The following FAAH2 variants were observed in gnomAD, a reference collection of about 807,000 sequenced individuals.
The protein encoded by FAAH2 is fatty-acid amide hydrolase 2.
In FAAH2, 60 loss-of-function variants were observed where a neutral mutation model predicts 36.9. The observed-to-expected ratio is 1.63, with a 90% confidence interval of 1.32 to 2.02. FAAH2 has a LOEUF of 2.02. FAAH2 is among the 30% of genes most tolerant of loss of function. The pLI is 0.00. For missense variants in FAAH2, 689 were observed against 397.5 expected (o/e 1.73, Z -6.23); for synonymous variants, 214 against 143.8 (o/e 1.49, Z -3.49).
intron 4 of FAAH2, among the ~76,000 whole-genome samples, chrX:57,339,321 G>T (rs950411401): frequency 1.8e-4 from 20 of 112,007 alleles, no homozygotes; most frequent in African/African-American, 6.2e-4. Flanking sequence ...TTAGAAGAAA[G>T]TCTAGGCAGT....
intron 7 of FAAH2, among the ~76,000 whole-genome samples, chrX:57,399,050 C>T (rs754313082): frequency 4.1e-4 from 46 of 111,430 alleles, no homozygotes; most frequent in African/African-American, 1.3e-3. Flanking sequence ...ACTAGCAGGC[C>T]GGTCCAGGAA....
intron 7 of FAAH2, among the ~76,000 whole-genome samples, chrX:57,414,350 G>T (rs1318121026): frequency 8.9e-6 from 1 of 111,879 alleles, no homozygotes; most frequent in Non-Finnish European, 1.9e-5. Flanking sequence ...TTGGCTGTGG[G>T]TTTGTCATAA....
chrX:57,301,772 C>A (rs1191384263), intron 2 of FAAH2, among the ~76,000 whole-genome samples: 2 of 111,034 alleles, frequency 1.8e-5, no homozygotes, highest in Non-Finnish European at 3.8e-5. Flanking sequence ...GTTGTCTCAC[C>A]CACCAGACTC....
chrX:57,261,816 A>T, the FAAH2 span, among the ~76,000 whole-genome samples: 1 of 110,818 alleles, frequency 9.0e-6, no homozygotes, highest in Non-Finnish European at 1.9e-5. Context: ...CAGGAATATT[A>T]GTTATGAGAT....
chrX:57,230,917 G>A, the FAAH2 span, among the ~76,000 whole-genome samples: 311 of 110,690 alleles, frequency 2.8e-3, 7 homozygotes, highest in South Asian at 0.11. Context: ...CTTGCTCATA[G>A]TTTCTTGTTT....
the FAAH2 span, among the ~76,000 whole-genome samples, chrX:57,211,035 T>G: frequency 1.8e-5 from 2 of 112,298 alleles, no homozygotes; most frequent in East Asian, 5.6e-4. Flanking sequence ...TGTAAATTTA[T>G]AAAAACATAT....
At chrX:57,332,142 G>A (rs1316053942) in intron 4 of FAAH2, among the ~76,000 whole-genome samples, 1 of 112,521 alleles carries the variant, frequency 8.9e-6, no homozygotes, top group African/African-American at 3.2e-5. Flanking sequence ...AAGCCTGAAT[G>A]GATGCATATG....
At chrX:57,297,701 G>A in intron 2 of FAAH2, among the ~76,000 whole-genome samples, 1 of 30,135 alleles carries the variant, frequency 3.3e-5, no homozygotes, top group African/African-American at 1.1e-4. Flanking sequence ...GCTGTATTCA[G>A]CAAACCCATC....
the FAAH2 span, among the ~76,000 whole-genome samples, chrX:57,172,746 C>A: frequency 8.9e-6 from 1 of 111,773 alleles, no homozygotes; most frequent in Non-Finnish European, 1.9e-5. Context: ...CCTCCAACTG[C>A]CTGGGCCAAA....
the FAAH2 span, among the ~76,000 whole-genome samples, chrX:57,144,569 A>G: frequency 9.2e-6 from 1 of 109,158 alleles, no homozygotes; most frequent in African/African-American, 3.3e-5. Flanking sequence ...GTATTTGGTT[A>G]CATGAGTAAG....
the FAAH2 span, among the ~76,000 whole-genome samples, chrX:57,147,825 T>A: frequency 8.9e-6 from 1 of 112,145 alleles, no homozygotes; most frequent in Non-Finnish European, 1.9e-5. Context: ...CCAGTGATCA[T>A]TCAGGAGCAG....
At chrX:57,393,276 T>C (rs2055210445) in intron 7 of FAAH2, 3 of 1,132,584 alleles carry the variant, frequency 2.6e-6, no homozygotes, top group African/African-American at 3.6e-5. Context: ...TTCTCCTCTA[T>C]GTAAGCCTTG....
At chrX:57,206,367 G>A in the FAAH2 span, among the ~76,000 whole-genome samples, 1 of 112,119 alleles carries the variant, frequency 8.9e-6, no homozygotes, top group South Asian at 3.7e-4. Context: ...CCCTAAGTAG[G>A]AGTAAGGAGT....
chrX:57,127,701 C>A, the FAAH2 span, among the ~76,000 whole-genome samples: 1 of 111,021 alleles, frequency 9.0e-6, no homozygotes, highest in African/African-American at 3.3e-5. Context: ...ATGAAATAGA[C>A]CTTTCTCTAT....
At chrX:57,273,390 T>C in the FAAH2 span, among the ~76,000 whole-genome samples, 1 of 111,691 alleles carries the variant, frequency 9.0e-6, no homozygotes, top group Non-Finnish European at 1.9e-5. Flanking sequence ...AGACTTGAAC[T>C]CAGCTCTGGA....
intron 7 of FAAH2, among the ~76,000 whole-genome samples, chrX:57,419,258 G>T (rs758624222): frequency 9.0e-6 from 1 of 110,604 alleles, no homozygotes; most frequent in East Asian, 2.8e-4. Flanking sequence ...GGGTCAAATG[G>T]TATTTCTAGT....
chrX:57,387,547 T>C (rs1302074789), intron 7 of FAAH2, among the ~76,000 whole-genome samples: 1 of 111,418 alleles, frequency 9.0e-6, no homozygotes, highest in African/African-American at 3.3e-5. Context: ...TTGTAGAACC[T>C]ACCAGAGAAA....
chrX:57,206,323 T>A, the FAAH2 span, among the ~76,000 whole-genome samples: 1 of 112,234 alleles, frequency 8.9e-6, no homozygotes, highest in African/African-American at 3.2e-5. Flanking sequence ...ATGATTACTT[T>A]CTGGGGCACA....
intron 7 of FAAH2, among the ~76,000 whole-genome samples, chrX:57,421,236 G>T (rs763508880): frequency 9.0e-6 from 1 of 111,682 alleles, no homozygotes; most frequent in Non-Finnish European, 1.9e-5. Flanking sequence ...ACAAGATCAG[G>T]AGTCTGAGAC....
Sources: allele counts gnomAD v4.1 joint callset (sites outside exome capture counted in the v4.1 genomes callset), GRCh38; gene constraint gnomAD v4.1.1; transcripts MANE v1.5; gene names NCBI Gene and HGNC (gene_info 2026-07-23, HGNC 2026-07-21).